Variants in NKAIN2 observed in about 807,000 individuals in gnomAD.
The protein encoded by NKAIN2 is sodium/potassium transporting ATPase interacting 2.
NKAIN2 carries 14 observed loss-of-function variants against 32.6 expected under a neutral mutation model. The ratio of observed to expected loss-of-function variants is 0.43; its 90% CI spans 0.28 to 0.67. The LOEUF (loss-of-function observed/expected upper bound fraction) is 0.67. Ranked by LOEUF, NKAIN2 falls within the 30% of genes least tolerant of loss-of-function variation. The pLI, the probability that NKAIN2 is intolerant of heterozygous loss-of-function variation, is 0.17. For synonymous variants in NKAIN2, 80 were observed against 87.2 expected, an observed-to-expected ratio of 0.92 and a Z score of 0.46; for missense variants, 198 against 258.3, an observed-to-expected ratio of 0.77 and a Z score of 1.60.
At chr6:124,558,472 C>T (rs1372158232) in intron 3 of NKAIN2, among the ~76,000 whole-genome samples, 1 of 152,116 alleles carries the variant, frequency 6.6e-6, no homozygotes, top group African/African-American at 2.4e-5. Context: ...GTCTCTCTTT[C>T]TATAAAACCA....
chr6:124,541,484 A>G (rs1250219205), intron 3 of NKAIN2, among the ~76,000 whole-genome samples: 1 of 152,174 alleles, frequency 6.6e-6, no homozygotes, highest in South Asian at 2.1e-4. Context: ...ACCTATAATT[A>G]TGGCCATAAT....
chr6:124,271,494 G>A (rs144728069), intron 1 of NKAIN2, among the ~76,000 whole-genome samples: 338 of 152,298 alleles, frequency 2.2e-3, no homozygotes, highest in African/African-American at 7.7e-3. Flanking sequence ...GGGATTACAG[G>A]CGTGAGCCAC....
At chr6:124,701,379 C>T (rs1774782342) in intron 4 of NKAIN2, among the ~76,000 whole-genome samples, 1 of 152,012 alleles carries the variant, frequency 6.6e-6, no homozygotes. Flanking sequence ...AAACATCTGT[C>T]CATATGAGTT....
intron 3 of NKAIN2, among the ~76,000 whole-genome samples, chr6:124,438,130 TC>T (rs1392750415): frequency 6.6e-6 from 1 of 152,156 alleles, no homozygotes; most frequent in Non-Finnish European, 1.5e-5. Context: ...ATTGTTTTCA[TC>T]ATTATTGGAA....
chr6:124,186,859 C>G (rs1027614959), intron 1 of NKAIN2, among the ~76,000 whole-genome samples: 1 of 152,112 alleles, frequency 6.6e-6, no homozygotes, highest in Non-Finnish European at 1.5e-5. Context: ...AGTTGCTATG[C>G]ATTTCAGAAT....
At chr6:124,351,779 T>G (rs969608887) in intron 2 of NKAIN2, among the ~76,000 whole-genome samples, 5 of 151,976 alleles carry the variant, frequency 3.3e-5, no homozygotes, top group African/African-American at 1.2e-4. Flanking sequence ...TCTGCCACCA[T>G]GCCTGGCTAA....
intron 2 of NKAIN2, among the ~76,000 whole-genome samples, chr6:124,342,178 G>T (rs1031548128): frequency 3.9e-5 from 6 of 151,970 alleles, no homozygotes; most frequent in African/African-American, 1.4e-4. Context: ...AAGGCAGGCG[G>T]ATCACGAGGT....
intron 1 of NKAIN2, among the ~76,000 whole-genome samples, chr6:124,146,411 G>T (rs891177690): frequency 6.6e-6 from 1 of 152,052 alleles, no homozygotes; most frequent in Non-Finnish European, 1.5e-5. Flanking sequence ...TTATCAATTT[G>T]CAGAGTTGAC....
intron 1 of NKAIN2, among the ~76,000 whole-genome samples, chr6:124,142,374 A>AT (rs541983953): frequency 1.4e-4 from 22 of 152,308 alleles, no homozygotes; most frequent in African/African-American, 5.1e-4. Context: ...AAAACAAAAC[A>AT]TTTTTTATCT....
At chr6:124,056,163 C>T (rs1782641831) in intron 1 of NKAIN2, among the ~76,000 whole-genome samples, 1 of 151,722 alleles carries the variant, frequency 6.6e-6, no homozygotes, top group Non-Finnish European at 1.5e-5. Flanking sequence ...AGTAATGAGG[C>T]CATTGAAATC....
At chr6:124,678,290 T>G (rs1773456534) in intron 4 of NKAIN2, among the ~76,000 whole-genome samples, 1 of 152,172 alleles carries the variant, frequency 6.6e-6, no homozygotes, top group African/African-American at 2.4e-5. Flanking sequence ...TTTTTTCAAA[T>G]AAGCTTACTT....
intron 3 of NKAIN2, among the ~76,000 whole-genome samples, chr6:124,568,255 C>T (rs1327551350): frequency 6.6e-6 from 1 of 152,150 alleles, no homozygotes; most frequent in Non-Finnish European, 1.5e-5. Context: ...ACCAATAATT[C>T]AATCTCCCAT....
At chr6:124,074,324 C>T (rs1244098564) in intron 1 of NKAIN2, among the ~76,000 whole-genome samples, 1 of 151,714 alleles carries the variant, frequency 6.6e-6, no homozygotes, top group Non-Finnish European at 1.5e-5. Context: ...TTATTTTGTT[C>T]GTAAAATTAT....
At chr6:124,561,955 G>A (rs1780712042) in intron 3 of NKAIN2, among the ~76,000 whole-genome samples, 1 of 152,110 alleles carries the variant, frequency 6.6e-6, no homozygotes, top group South Asian at 2.1e-4. Flanking sequence ...ACTTCAATCT[G>A]GGCAGATCTC....
At chr6:124,618,031 C>A (rs1316503663) in intron 3 of NKAIN2, among the ~76,000 whole-genome samples, 1 of 151,946 alleles carries the variant, frequency 6.6e-6, no homozygotes, top group Non-Finnish European at 1.5e-5. Flanking sequence ...ATATTTTATT[C>A]AAAAATAAAC....
chr6:124,755,295 C>T (rs529106296), intron 4 of NKAIN2, among the ~76,000 whole-genome samples: 1 of 152,282 alleles, frequency 6.6e-6, no homozygotes, highest in East Asian at 1.9e-4. Flanking sequence ...GCTTATCCCA[C>T]CTTCTTCCAC....
At position 124,527,997 on chromosome 6, in the gene NKAIN2, G is replaced by A. The variant is rs1189971857; in HGVS notation, c.274-130189G>A. Among the ~76,000 whole-genome samples, 4 of 152,200 alleles carry A rather than the reference G, an allele frequency of 2.6e-5. No homozygotes were observed. In the South Asian group the frequency reaches 8.3e-4, roughly 32 times the overall value. ...AAGTTGGAGGACTCAGGAACCAGCA[G>A]ATGATTAATACCTTGCATTCCATAC... On this transcript the variant is annotated intron_variant, in intron 3 of 6. Coordinates refer to ENST00000368417, the MANE Select transcript of NKAIN2 (RefSeq NM_001040214.3).
At chr6:124,336,831 C>T (rs1583069821) in intron 2 of NKAIN2, among the ~76,000 whole-genome samples, 1 of 151,790 alleles carries the variant, frequency 6.6e-6, no homozygotes, top group East Asian at 2.0e-4. Flanking sequence ...GCACCCCACA[C>T]CCGGCTAATT....
intron 3 of NKAIN2, among the ~76,000 whole-genome samples, chr6:124,563,050 C>G (rs1347387306): frequency 6.6e-6 from 1 of 151,782 alleles, no homozygotes; most frequent in African/African-American, 2.4e-5. Flanking sequence ...GATTAAGACG[C>G]TCTCTACCAT....
Sources: allele counts gnomAD v4.1 joint callset (sites outside exome capture counted in the v4.1 genomes callset), GRCh38; gene constraint gnomAD v4.1.1; transcripts MANE v1.5; gene names NCBI Gene and HGNC (gene_info 2026-07-23, HGNC 2026-07-21).